ANKRD28: variants seen among roughly 807,000 people sequenced by gnomAD.
ANKRD28 encodes the protein serine/threonine-protein phosphatase 6 regulatory ankyrin repeat subunit A.
A neutral mutation model predicts 126.5 loss-of-function variants in ANKRD28; 44 were observed. That is an observed-to-expected ratio of 0.35 (90% CI 0.27 to 0.45). ANKRD28 has a LOEUF of 0.45. ANKRD28 is among the 20% of genes least tolerant of loss of function. ANKRD28 has a pLI of 1.00. For missense variants in ANKRD28, 1,110 were observed against 1,316.6 expected, an observed-to-expected ratio of 0.84 and a Z score of 2.43; for synonymous variants, 442 against 468.5, an observed-to-expected ratio of 0.94 and a Z score of 0.73.
At chr3:15,737,439 G>A (rs898275063) in intron 4 of ANKRD28, among the ~76,000 whole-genome samples, 1 of 92,358 alleles carries the variant, frequency 1.1e-5, no homozygotes, top group Admixed American at 1.2e-4. Context: ...AGTACTCAGA[G>A]CCATATAAGA....
Position 15,796,762 on chromosome 3 carries a change from A to G in ANKRD28, c.-241T>C. ...CTATTATTTCTGTTGGATTACTGCAATACTTAAGAAGAAATTTCACACCAA... is the reference window on the plus strand; with the variant it reads ...CTATTATTTCTGTTGGATTACTGCAGTACTTAAGAAGAAATTTCACACCAA... On this transcript the variant is annotated 5_prime_UTR_variant, in exon 1 of 28. Coordinates refer to ENST00000683139, the MANE Select transcript of ANKRD28 (RefSeq NM_001349278.2). 1.0e-6 allele frequency: 1 copy of G among 988,550 alleles called. No individual in the cohort carries two copies. Among genetic ancestry groups the G allele is most frequent in the Middle Eastern group, 5.2e-4 (1 of 1,924 alleles). 61.2% of individuals were successfully genotyped at this position (988,550 alleles called of 1,614,324 possible).
chr3:15,728,232 T>C (rs1229639025), intron 6 of ANKRD28, among the ~76,000 whole-genome samples: 2 of 152,220 alleles, frequency 1.3e-5, no homozygotes, highest in Non-Finnish European at 2.9e-5. Context: ...ACATGTATAT[T>C]GTTTTAGATG....
At chr3:15,848,529 G>A (rs944991277) in intron 1 of ANKRD28, among the ~76,000 whole-genome samples, 4 of 152,032 alleles carry the variant, frequency 2.6e-5, no homozygotes, top group Non-Finnish European at 5.9e-5. Flanking sequence ...TAAAAAATTA[G>A]CCAGGCATAG....
chr3:15,758,366 T>C lies in ANKRD28; in HGVS notation c.281-6546A>G, dbSNP rs370270116. Among the ~76,000 whole-genome samples, 72 of 152,296 alleles carry C rather than the reference T, an allele frequency of 4.7e-4. 1 individual carries two copies. Among genetic ancestry groups the C allele is most frequent in the Non-Finnish European group, 6.9e-4 (47 of 68,012 alleles). ...CCAATGACATTTCCACTTTTCCAACTATAATGCTGAAAAAAATAGCTGCTG... is the reference window on the plus strand; with the variant it reads ...CCAATGACATTTCCACTTTTCCAACCATAATGCTGAAAAAAATAGCTGCTG... On this transcript the variant is annotated intron_variant, in intron 3 of 27. Transcript: ENST00000683139.
chr3:15,719,918 T>C (rs1452683424), intron 8 of ANKRD28, among the ~76,000 whole-genome samples: 2 of 152,118 alleles, frequency 1.3e-5, no homozygotes, highest in East Asian at 3.9e-4. Context: ...TCACCCAGGC[T>C]GGAGGGCAGT....
At chr3:15,774,908 A>C (rs1047274170) in intron 2 of ANKRD28, among the ~76,000 whole-genome samples, 1 of 150,808 alleles carries the variant, frequency 6.6e-6, no homozygotes, top group African/African-American at 2.4e-5. Flanking sequence ...ACAGAGTCTC[A>C]CTCTGTTGCC....
chr3:15,803,729 C>A (rs1176409204), intron 1 of ANKRD28, among the ~76,000 whole-genome samples: 1 of 115,804 alleles, frequency 8.6e-6, no homozygotes, highest in Non-Finnish European at 1.7e-5. Context: ...AGGTTTTTGA[C>A]TTAAGCAACC....
chr3:15,677,461 T>C lies in ANKRD28; in HGVS notation c.2790+19A>G, dbSNP rs1315124130. 3.8e-6 allele frequency: 6 copies of C among 1,568,148 alleles called. No individual in the cohort carries two copies. The highest frequency in any genetic ancestry group is 5.2e-6 in the Non-Finnish European group (6 of 1,143,798). Reference sequence around the variant, plus strand: ...GTTAATATTAACAATGGAAACATATTCTTAAGATGTATACATACCTTGCTA... The same window carrying C: ...GTTAATATTAACAATGGAAACATATCCTTAAGATGTATACATACCTTGCTA... On this transcript the variant is annotated intron_variant, in intron 25 of 27. Transcript: ENST00000683139.
At chr3:15,706,703 C>A (rs553677985) in intron 14 of ANKRD28, among the ~76,000 whole-genome samples, 1 of 152,192 alleles carries the variant, frequency 6.6e-6, no homozygotes, top group Admixed American at 6.5e-5. Flanking sequence ...TATAGTCCCA[C>A]CAACAGTATA....
intron 12 of ANKRD28, among the ~76,000 whole-genome samples, chr3:15,710,018 G>T (rs569445381): frequency 5.6e-5 from 8 of 143,424 alleles, no homozygotes; most frequent in African/African-American, 1.8e-4. Context: ...GAGGCTTTAG[G>T]AAACAACTTG....
At position 15,713,733 on chromosome 3, in the gene ANKRD28, A is replaced by G. The variant is rs909632415; in HGVS notation, c.1076-92T>C. 9.8e-6 allele frequency: 7 copies of G among 717,822 alleles called. No individual in the cohort carries two copies. In the African/African-American group the frequency reaches 1.1e-4, roughly 11 times the overall value. The allele number at this position is 717,822 out of a possible 1,614,324, so 44.5% of individuals were successfully genotyped here. A position where few individuals can be genotyped will look rare whatever the true frequency, so the allele number is the denominator to read the frequency against. ...AAGTAATAAAAAATGCTGTTCACAT[A>G]CAAACTAATAGATACAGCAATTTTA... On this transcript the variant is annotated intron_variant, in intron 9 of 27. Coordinates refer to ENST00000683139, the MANE Select transcript of ANKRD28 (RefSeq NM_001349278.2).
chr3:15,693,305 C>CA (rs1242764608), intron 17 of ANKRD28, among the ~76,000 whole-genome samples: 2 of 150,762 alleles, frequency 1.3e-5, no homozygotes, highest in East Asian at 3.9e-4. Context: ...AAATCTCTGA[C>CA]AAAAAAATAG....
chr3:15,822,235 T>C (rs1352060025), intron 1 of ANKRD28, among the ~76,000 whole-genome samples: 2 of 152,180 alleles, frequency 1.3e-5, no homozygotes, highest in Non-Finnish European at 2.9e-5. Context: ...GAGCATTATG[T>C]ACCCCAACAC....
intron 3 of ANKRD28, among the ~76,000 whole-genome samples, chr3:15,757,425 G>A (rs1189587353): frequency 6.6e-6 from 1 of 152,052 alleles, no homozygotes; most frequent in Non-Finnish European, 1.5e-5. Flanking sequence ...TCCTATTTTG[G>A]AATATTCAGA....
Position 15,724,414 on chromosome 3 carries a change from C to G in ANKRD28, c.751G>C (p.Val251Leu), listed in dbSNP as rs758460133. 2.5e-6 allele frequency: 4 copies of G among 1,606,906 alleles called. No individual in the cohort carries two copies. The highest frequency in any genetic ancestry group is 2.6e-6 in the Non-Finnish European group (3 of 1,176,410). The change falls in exon 7 of 28, where the codon GTA becomes CTA. Residue 251 changes from valine to leucine, a missense_variant. By Grantham distance (32) the Val-to-Leu change is conservative. Transcript: ENST00000683139. Reference protein sequence around the residue: ...HAAASSGMISVVKYLLDLGVD... With the variant: ...HAAASSGMISLVKYLLDLGVD... ...CCAAGATCTAGAAGGTACTTGACTA[C>G]GCTGATCATTCCACTAGAGGCTGCT...
chr3:15,771,677 C>T (rs887476645), intron 2 of ANKRD28, among the ~76,000 whole-genome samples: 1 of 152,180 alleles, frequency 6.6e-6, no homozygotes, highest in Non-Finnish European at 1.5e-5. Context: ...TCCCATTAGG[C>T]TCCACCTCCA....
rs1437609598 is a variant in ANKRD28 at position 15,833,538 on chromosome 3, TA to T, written c.27+25838del. ...CTATATATATATAAAATATATACAT[TA>T]TTTTTTATATATATAATGTGTGTGT... On this transcript the variant is annotated intron_variant, in intron 1 of 27. Transcript: ENST00000399451. The surrounding 1 kb of genome is among the most constrained non-coding windows in gnomAD (Gnocchi z 4.4). 1.3e-5 allele frequency among the ~76,000 whole-genome samples: 2 copies of T among 148,792 alleles called. No individual in the cohort carries two copies. Among genetic ancestry groups the T allele is most frequent in the Non-Finnish European group, 3.0e-5 (2 of 67,382 alleles).
chr3:15,850,041 T>C (rs2061604464), intron 1 of ANKRD28, among the ~76,000 whole-genome samples: 1 of 151,422 alleles, frequency 6.6e-6, no homozygotes, highest in Non-Finnish European at 1.5e-5. Flanking sequence ...GACAGACATA[T>C]AGACCAATGG....
In ANKRD28 at chr3:15,699,392, G is replaced by A. The variant is rs188909485; in HGVS notation, c.1548-3147C>T. ...GCAACAGAAGCCAAAATAGACAAATGGGATCTAATTAAACTAAAGAGCTTC... is the reference window on the plus strand; with the variant it reads ...GCAACAGAAGCCAAAATAGACAAATAGGATCTAATTAAACTAAAGAGCTTC... On this transcript the variant is annotated intron_variant, in intron 14 of 27. Coordinates refer to ENST00000683139, the MANE Select transcript of ANKRD28 (RefSeq NM_001349278.2). Among the ~76,000 whole-genome samples, 430 of 152,222 alleles carry A rather than the reference G, an allele frequency of 2.8e-3. 2 individuals are homozygous for A. The highest frequency in any genetic ancestry group is 0.01 in the Middle Eastern group (3 of 294).
Sources: allele counts gnomAD v4.1 joint callset (sites outside exome capture counted in the v4.1 genomes callset), GRCh38; gene constraint gnomAD v4.1.1; non-coding constraint Gnocchi (gnomAD v3.1); transcripts MANE v1.5; gene names NCBI Gene and HGNC (gene_info 2026-07-23, HGNC 2026-07-21).